MAP4K4: variants seen among roughly 807,000 people sequenced by gnomAD.
The protein encoded by MAP4K4 is mitogen-activated protein kinase kinase kinase kinase 4.
MAP4K4 carries 38 observed loss-of-function variants against 189.6 expected under a neutral mutation model. The ratio of observed to expected loss-of-function variants is 0.20; its 90% CI spans 0.15 to 0.26. The LOEUF is 0.26. MAP4K4 is among the 10% of genes least tolerant of loss of function. MAP4K4 has a pLI of 1.00. For missense variants in MAP4K4, 1,054 were observed against 1,726.9 expected (o/e 0.61, Z 6.91); for synonymous variants, 610 against 624.3 (o/e 0.98, Z 0.34).
Position 101,874,033 on chromosome 2 carries a change from C to CAT in MAP4K4, c.3071-47_3071-46dup. ...AAGTATACTGGGGAAGGGAGGCAGG[C>CAT]ATAGTGTGTGTGTGTACAGAAAATA... On this transcript the variant is annotated intron_variant, in intron 25 of 32. Transcript: ENST00000324219. 2.8e-6 allele frequency: 4 copies of CAT among 1,438,692 alleles called. No homozygotes were observed. In the South Asian group the frequency reaches 4.8e-5, roughly 17 times the overall value. 89.1% of individuals were successfully genotyped at this position (1,438,692 alleles called of 1,614,324 possible). A position where few individuals can be genotyped will look rare whatever the true frequency, so the allele number is the denominator to read the frequency against.
chr2:101,760,419 G>A (rs1339225612), intron 2 of MAP4K4, among the ~76,000 whole-genome samples: 1 of 150,012 alleles, frequency 6.7e-6, no homozygotes, highest in East Asian at 2.0e-4. Flanking sequence ...AACCTGGGAG[G>A]CAGAGGTTGT....
intron 2 of MAP4K4, among the ~76,000 whole-genome samples, chr2:101,782,704 T>C (rs2088309677): frequency 6.6e-6 from 1 of 152,162 alleles, no homozygotes; most frequent in African/African-American, 2.4e-5. Context: ...AGGGATGATC[T>C]AGTACCAACC....
At chr2:101,767,287 A>G (rs966317936) in intron 2 of MAP4K4, among the ~76,000 whole-genome samples, 4 of 152,184 alleles carry the variant, frequency 2.6e-5, no homozygotes, top group Non-Finnish European at 5.9e-5. Flanking sequence ...GCAAACCGAG[A>G]GCCACACATA....
chr2:101,834,389 G>A lies in MAP4K4; in HGVS notation c.640-20G>A, dbSNP rs375424351. On this transcript the variant is annotated intron_variant, in intron 7 of 32. Coordinates refer to ENST00000324219, the Ensembl canonical transcript of MAP4K4. ...TTGTATCTACTCCAGTATCTGTAAC[G>A]TACTGTTTTATTTTTGCAGAGTGAT... The A allele has an allele frequency of 4.0e-5, 64 of 1,584,180 alleles. No individual in the cohort carries two copies. In the African/African-American group the frequency reaches 5.4e-4, roughly 13 times the overall value.
intron 28 of MAP4K4, among the ~76,000 whole-genome samples, chr2:101,883,341 T>C (rs2098433727): frequency 6.6e-6 from 1 of 152,208 alleles, no homozygotes. Flanking sequence ...AAAACTCTTT[T>C]TTTTTTTGAG....
chr2:101,886,447 G>A (rs1011642670), intron 29 of MAP4K4, among the ~76,000 whole-genome samples: 11 of 152,030 alleles, frequency 7.2e-5, no homozygotes, highest in South Asian at 2.1e-4. Context: ...AACTCCTCTC[G>A]CTCTACTGTG....
intron 12 of MAP4K4, 70 bp from the exon 13 acceptor site, chr2:101,855,907 C>G (rs1167801139): frequency 3.4e-6 from 5 of 1,456,420 alleles, no homozygotes; most frequent in African/African-American, 2.9e-5. Flanking sequence ...ACTGACTGAT[C>G]AGCACACTAT....
intron 9 of MAP4K4, 95 bp downstream of exon 9, chr2:101,836,073 C>G (rs2096741291): frequency 2.2e-6 from 2 of 915,830 alleles, no homozygotes; most frequent in Non-Finnish European, 1.7e-6. Context: ...TCTGGCCCTT[C>G]TAATTCTGGG....
At chr2:101,835,125 TTTTC>T (rs2096710340) in intron 8 of MAP4K4, among the ~76,000 whole-genome samples, 1 of 152,202 alleles carries the variant, frequency 6.6e-6, no homozygotes. Context: ...TAAAAATTAG[TTTTC>T]AGTATAGAAA....
At chr2:101,838,625 A>G (rs922797655) in intron 9 of MAP4K4, among the ~76,000 whole-genome samples, 2 of 152,156 alleles carry the variant, frequency 1.3e-5, no homozygotes, top group Non-Finnish European at 2.9e-5. Flanking sequence ...CTTCCTCTGT[A>G]AGTTTGATAT....
At chr2:101,827,027 T>G (rs999081615) in intron 5 of MAP4K4, among the ~76,000 whole-genome samples, 10 of 152,130 alleles carry the variant, frequency 6.6e-5, no homozygotes, top group African/African-American at 2.2e-4. Flanking sequence ...CAAATGTATT[T>G]CAGCCTTCAA....
At chr2:101,804,388 C>A (rs1017705787) in intron 3 of MAP4K4, among the ~76,000 whole-genome samples, 30 of 152,224 alleles carry the variant, frequency 2.0e-4, no homozygotes, top group African/African-American at 6.3e-4. Flanking sequence ...ATTTCTCACT[C>A]CTCTCCCTGG....
Position 101,843,998 on chromosome 2 carries a change from CAG to C in MAP4K4, c.1023-99_1023-98del, listed in dbSNP as rs1311639357. 58 of 740,854 alleles carry C rather than the reference CAG, an allele frequency of 7.8e-5. 3 individuals carry two copies. In the South Asian group the frequency reaches 9.4e-4, roughly 12 times the overall value. 45.9% of individuals were successfully genotyped at this position (740,854 alleles called of 1,614,324 possible). On this transcript the variant is annotated intron_variant, in intron 11 of 32. Transcript: ENST00000324219. ...TTGTCTCCCTGGAGTCAGAGGAACT[CAG>C]AGAATGAATGTAGAAATGGGATAAT...
rs1179685440 is a variant in MAP4K4, at chr2:101,887,316, A to G, written c.3771+79A>G. 6 of 1,421,970 alleles carry G rather than the reference A, an allele frequency of 4.2e-6. No individual in the cohort carries two copies. In the Admixed American group the frequency reaches 6.8e-5, roughly 16 times the overall value. 88.1% of individuals were successfully genotyped at this position (1,421,970 alleles called of 1,614,324 possible). Reference sequence around the variant, plus strand: ...CTTTCTTCTTTACTCTGCTTAGTGAACTAACACAAGCAGGGATTCATTTCC... The same window carrying G: ...CTTTCTTCTTTACTCTGCTTAGTGAGCTAACACAAGCAGGGATTCATTTCC... On this transcript the variant is annotated intron_variant, in intron 30 of 32. Coordinates refer to ENST00000324219, the Ensembl canonical transcript of MAP4K4.
intron 3 of MAP4K4, among the ~76,000 whole-genome samples, chr2:101,798,076 A>G (rs1274573782): frequency 6.7e-6 from 1 of 150,334 alleles, no homozygotes; most frequent in Admixed American, 6.6e-5. Context: ...TGTGCCACCT[A>G]CAATAATTTT....
chr2:101,758,134 G>A (rs898655289), intron 2 of MAP4K4, among the ~76,000 whole-genome samples: 4 of 152,060 alleles, frequency 2.6e-5, no homozygotes, highest in Non-Finnish European at 5.9e-5. Context: ...GTGGTTGACT[G>A]TGCATAACTG....
At chr2:101,881,213 A>T (rs2098380378) in intron 27 of MAP4K4, among the ~76,000 whole-genome samples, 1 of 152,104 alleles carries the variant, frequency 6.6e-6, no homozygotes, top group South Asian at 2.1e-4. Context: ...TATTATACCC[A>T]TTTTGTTTTT....
chr2:101,724,059 C>G (rs1166770569), intron 2 of MAP4K4, among the ~76,000 whole-genome samples: 1 of 152,182 alleles, frequency 6.6e-6, no homozygotes, highest in East Asian at 1.9e-4. Context: ...TAGCTGTAGA[C>G]TGAGCATCTT....
At chr2:101,874,371 T>TC in intron 26 of MAP4K4, 119 bp downstream of exon 26, 1 of 850,450 alleles carries the variant, frequency 1.2e-6, no homozygotes, top group Non-Finnish European at 1.8e-6. Context: ...TTCTATGATG[T>TC]CCATCTCCTG....
Sources: allele counts gnomAD v4.1 joint callset (sites outside exome capture counted in the v4.1 genomes callset), GRCh38; gene constraint gnomAD v4.1.1; transcripts MANE v1.5; gene names NCBI Gene and HGNC (gene_info 2026-07-23, HGNC 2026-07-21).